SH3GL2: variants seen among roughly 807,000 people sequenced by gnomAD.
The protein encoded by SH3GL2 is SH3 domain containing GRB2 like 2, endophilin A1.
In SH3GL2, 24 loss-of-function variants were observed where a neutral mutation model predicts 46.0. The ratio of observed to expected loss-of-function variants is 0.52; its 90% CI spans 0.38 to 0.73. The LOEUF (loss-of-function observed/expected upper bound fraction) is 0.73, where lower values mean the gene tolerates loss of function less well. Ranked by LOEUF, SH3GL2 falls within the 30% of genes least tolerant of loss-of-function variation. The pLI is 0.00. For synonymous variants in SH3GL2, 196 were observed against 147.1 expected, an observed-to-expected ratio of 1.33 and a Z score of -2.40; for missense variants, 413 against 424.2, an observed-to-expected ratio of 0.97 and a Z score of 0.23.
Position 17,616,734 on chromosome 9 carries a change from G to T in SH3GL2, c.45+37447G>T, listed in dbSNP as rs1228084666. ...AAAATCGTATCATTGAATATAGTAA[G>T]TCCCTTTTTTTTTGTTAATATAGCC... On this transcript the variant is annotated intron_variant, in intron 1 of 8. Transcript: ENST00000380607. Among the ~76,000 whole-genome samples the T allele has an allele frequency of 3.3e-5, 5 of 152,034 alleles. No homozygotes were observed. In the East Asian group the frequency reaches 9.6e-4, roughly 29 times the overall value.
intron 1 of SH3GL2, among the ~76,000 whole-genome samples, chr9:17,663,171 G>A (rs1481327921): frequency 6.6e-6 from 1 of 152,138 alleles, no homozygotes; most frequent in Non-Finnish European, 1.5e-5. Flanking sequence ...AACTCATCAA[G>A]TTCTTTTAAA....
At chr9:17,667,871 A>G (rs536792289) in intron 1 of SH3GL2, among the ~76,000 whole-genome samples, 3 of 152,098 alleles carry the variant, frequency 2.0e-5, no homozygotes. Context: ...ATGGTATCTT[A>G]TTGTGATTTG....
At chr9:17,742,720 T>C (rs1286522810) in intron 1 of SH3GL2, among the ~76,000 whole-genome samples, 3 of 151,886 alleles carry the variant, frequency 2.0e-5, no homozygotes, top group Admixed American at 6.6e-5. Flanking sequence ...GAATACAGAG[T>C]GTATGGGAAG....
intron 1 of SH3GL2, among the ~76,000 whole-genome samples, chr9:17,581,971 C>G (rs933318763): frequency 6.6e-6 from 1 of 152,130 alleles, no homozygotes; most frequent in Non-Finnish European, 1.5e-5. Flanking sequence ...TGAGCCCCCG[C>G]ACCTGGCCTA....
chr9:17,691,188 G>A (rs3808712), intron 1 of SH3GL2, among the ~76,000 whole-genome samples: 61,780 of 151,830 alleles, frequency 0.41, 13,024 homozygotes, highest in Admixed American at 0.55. Flanking sequence ...GGGTGACTGA[G>A]TGTTTTTCAT....
intron 1 of SH3GL2, among the ~76,000 whole-genome samples, chr9:17,672,283 A>G (rs184949998): frequency 3.9e-4 from 59 of 152,278 alleles, no homozygotes; most frequent in African/African-American, 1.3e-3. Context: ...TTTCCAGGCA[A>G]CCAAACACAC....
chr9:17,796,163 C>G lies in SH3GL2; in HGVS notation c.*420C>G, dbSNP rs150209829. The G allele has an allele frequency of 2.5e-3, 396 of 160,654 alleles. 4 individuals carry two copies. The highest frequency in any genetic ancestry group is 9.1e-3 in the African/African-American group (382 of 41,884). 10.0% of individuals were successfully genotyped at this position (160,654 alleles called of 1,614,324 possible). A position where few individuals can be genotyped will look rare whatever the true frequency, so the allele number is the denominator to read the frequency against. Reference sequence around the variant, plus strand: ...AGAAAGCTTTTGCTTTCACACTGTCCCTTCCCAAATATGTGAGTCATGGAA... The same window carrying G: ...AGAAAGCTTTTGCTTTCACACTGTCGCTTCCCAAATATGTGAGTCATGGAA... On this transcript the variant is annotated 3_prime_UTR_variant, in exon 9 of 9. Transcript: ENST00000380607.
intron 1 of SH3GL2, among the ~76,000 whole-genome samples, chr9:17,584,589 C>G (rs1306290759): frequency 6.6e-6 from 1 of 152,160 alleles, no homozygotes; most frequent in Non-Finnish European, 1.5e-5. Context: ...TGTTACTGGG[C>G]TTTAGGATGC....
At chr9:17,679,778 C>G (rs1388461951) in intron 1 of SH3GL2, among the ~76,000 whole-genome samples, 3 of 152,052 alleles carry the variant, frequency 2.0e-5, no homozygotes, top group Admixed American at 1.3e-4. Context: ...TGATAAATAG[C>G]TCTTATTATT....
chr9:17,663,729 T>C (rs1277433150), intron 1 of SH3GL2, among the ~76,000 whole-genome samples: 1 of 152,216 alleles, frequency 6.6e-6, no homozygotes, highest in Non-Finnish European at 1.5e-5. Flanking sequence ...CGCAGACTTT[T>C]TGTTAACAGA....
At chr9:17,644,769 C>T (rs1342948068) in intron 1 of SH3GL2, among the ~76,000 whole-genome samples, 2 of 152,034 alleles carry the variant, frequency 1.3e-5, no homozygotes, top group Non-Finnish European at 2.9e-5. Flanking sequence ...AGAATAAGTG[C>T]GATGTGGTGC....
chr9:17,766,494 C>A (rs907359751), intron 3 of SH3GL2, among the ~76,000 whole-genome samples: 5 of 152,102 alleles, frequency 3.3e-5, no homozygotes, highest in African/African-American at 1.2e-4. Flanking sequence ...TACGGGGGAG[C>A]AAAAACTGAA....
chr9:17,762,172 C>T (rs1442613118), intron 3 of SH3GL2, among the ~76,000 whole-genome samples: 1 of 152,176 alleles, frequency 6.6e-6, no homozygotes, highest in Non-Finnish European at 1.5e-5. Flanking sequence ...CTCCTCATTA[C>T]CATTCCTGTG....
In SH3GL2 at chr9:17,732,179, A is replaced by T. The variant is rs563706670; in HGVS notation, c.46-14887A>T. 3.9e-5 allele frequency among the ~76,000 whole-genome samples: 6 copies of T among 152,264 alleles called. No homozygotes were observed. In the South Asian group the frequency reaches 1.2e-3, roughly 32 times the overall value. ...GCACATTAATATTACCCTTTAAAAA[A>T]TAACCTGTTTAAGGTAGTACTGTTG... On this transcript the variant is annotated intron_variant, in intron 1 of 8. Coordinates refer to ENST00000380607, the MANE Select transcript of SH3GL2 (RefSeq NM_003026.5).
chr9:17,694,564 C>T (rs1183721032), intron 1 of SH3GL2, among the ~76,000 whole-genome samples: 1 of 152,086 alleles, frequency 6.6e-6, no homozygotes, highest in African/African-American at 2.4e-5. Context: ...TATAAAATGT[C>T]ATTATTTTTC....
chr9:17,709,604 A>G (rs1408500653), intron 1 of SH3GL2, among the ~76,000 whole-genome samples: 1 of 151,880 alleles, frequency 6.6e-6, no homozygotes, highest in Non-Finnish European at 1.5e-5. Flanking sequence ...CATGTTACAT[A>G]TAAAGAAAAC....
At chr9:17,694,876 T>G (rs1821165876) in intron 1 of SH3GL2, among the ~76,000 whole-genome samples, 1 of 152,138 alleles carries the variant, frequency 6.6e-6, no homozygotes, top group African/African-American at 2.4e-5. Context: ...TTATTTTTAT[T>G]TTTATTTTTT....
intron 1 of SH3GL2, among the ~76,000 whole-genome samples, chr9:17,654,871 T>A (rs1289130490): frequency 6.6e-6 from 1 of 152,128 alleles, no homozygotes; most frequent in Non-Finnish European, 1.5e-5. Flanking sequence ...TCTGGTAACA[T>A]GTAGACATTT....
At chr9:17,709,858 C>T (rs1231008819) in intron 1 of SH3GL2, among the ~76,000 whole-genome samples, 1 of 151,818 alleles carries the variant, frequency 6.6e-6, no homozygotes, top group Non-Finnish European at 1.5e-5. Flanking sequence ...GTGCTGAAGA[C>T]ACAAAGAGGA....
Sources: gnomAD v4.1 joint callset for allele counts (sites outside exome capture counted in the v4.1 genomes callset) on GRCh38, gnomAD v4.1.1 for gene constraint, MANE v1.5 for transcripts, NCBI Gene and HGNC (gene_info 2026-07-23, HGNC 2026-07-21) for gene names.